Variants in NUP160 observed in about 807,000 individuals in gnomAD.
The protein encoded by NUP160 is nuclear pore complex protein Nup160.
A neutral mutation model predicts 196.9 loss-of-function variants in NUP160; 94 were observed. The observed-to-expected ratio is 0.48, with a 90% confidence interval of 0.40 to 0.57. The LOEUF is 0.57. Ranked by LOEUF, NUP160 falls within the 20% of genes least tolerant of loss-of-function variation. The probability of loss-of-function intolerance (pLI) is 0.00; values close to 1 mark genes in which losing one functional copy is unlikely to be tolerated. For missense variants in NUP160, 1,638 were observed against 1,748.3 expected, an observed-to-expected ratio of 0.94 and a Z score of 1.13; for synonymous variants, 605 against 619.7, an observed-to-expected ratio of 0.98 and a Z score of 0.35.
intron 2 of NUP160, chr11:47,841,341 T>G (rs1372269668): frequency 1.1e-5 from 4 of 354,464 alleles, no homozygotes; most frequent in Non-Finnish European, 2.2e-5. Flanking sequence ...GAATTTTCCT[T>G]GATCATATTC....
intron 18 of NUP160, 138 bp downstream of exon 18, chr11:47,808,258 G>A: frequency 1.4e-6 from 1 of 727,346 alleles, no homozygotes; most frequent in Non-Finnish European, 2.2e-6. Flanking sequence ...TCCGGCCTGG[G>A]TGAGAGAGAG....
At chr11:47,791,792 G>T (rs1265187150) in intron 29 of NUP160, 138 bp downstream of exon 29, 3 of 610,590 alleles carry the variant, frequency 4.9e-6, no homozygotes, top group Non-Finnish European at 5.6e-6. Flanking sequence ...GTTTTACAAG[G>T]GCAACTGTTA....
chr11:47,848,219 C>T, exon 1 of NUP160: 1 of 1,614,166 alleles, frequency 6.2e-7, no homozygotes. Flanking sequence ...ATTTCCGTAC[C>T]AATGCTGCAG....
At chr11:47,845,773 G>C (rs752254883) in intron 2 of NUP160, among the ~76,000 whole-genome samples, 1 of 152,032 alleles carries the variant, frequency 6.6e-6, no homozygotes, top group Non-Finnish European at 1.5e-5. Context: ...TGGCATGATC[G>C]GATCCTCCCA....
chr11:47,820,709 G>A lies in NUP160; in HGVS notation c.1277+1015C>T, dbSNP rs182654578. On this transcript the variant is annotated intron_variant, in intron 9 of 35. Transcript: ENST00000378460. ...TGGGATTACAGGCACATACCACCACGCCCGGCTAATTTTTGTATTTTTAGT... is the reference window on the plus strand; with the variant it reads ...TGGGATTACAGGCACATACCACCACACCCGGCTAATTTTTGTATTTTTAGT... Among the ~76,000 whole-genome samples, 149 of 151,978 alleles carry A rather than the reference G, an allele frequency of 9.8e-4. 1 individual carries two copies. Among genetic ancestry groups the A allele is most frequent in the African/African-American group, 3.4e-3 (140 of 41,480 alleles).
At chr11:47,786,425 T>A in intron 32 of NUP160, 28 bp downstream of exon 32, 1 of 1,422,098 alleles carries the variant, frequency 7.0e-7, no homozygotes, top group Non-Finnish European at 9.9e-7. Flanking sequence ...AAGGCAAAAC[T>A]ACCCAGGGTT....
At position 47,783,056 on chromosome 11, in the gene NUP160, C is replaced by A. The variant is rs759569635; in HGVS notation, c.4116+17G>T. 2 of 1,604,628 alleles carry A rather than the reference C, an allele frequency of 1.2e-6. No homozygotes were observed. The highest frequency in any genetic ancestry group is 2.7e-5 in the African/African-American group (2 of 74,516). On this transcript the variant is annotated intron_variant, in intron 34 of 35. Transcript: ENST00000378460. ...AGTCAAACCATTGTAAATTGGGGACCATTTGTATATGCCTACCTCAATTCC... is the reference window on the plus strand; with the variant it reads ...AGTCAAACCATTGTAAATTGGGGACAATTTGTATATGCCTACCTCAATTCC...
At position 47,793,722 on chromosome 11, in the gene NUP160, GTTTTTTTTTTTTTTTTTTTTTTT is replaced by G. The variant is rs750497969; in HGVS notation, c.3290-799_3290-777del. Among the ~76,000 whole-genome samples the G allele has an allele frequency of 3.4e-5, 3 of 87,690 alleles. No individual in the cohort carries two copies. The Admixed American group carries it at 3.5e-4, about 10-fold the overall frequency. The allele number at this position is 87,690 out of a possible 152,430, so 57.5% of individuals were successfully genotyped here. A position where few individuals can be genotyped will look rare whatever the true frequency, so the allele number is the denominator to read the frequency against. On this transcript the variant is annotated intron_variant, in intron 27 of 35. Transcript: ENST00000378460. ...TCATTTAATTATCTGTAAGATATCT[GTTTTTTTTTTTTTTTTTTTTTTT>G]TTTTTTTTTTTTGAGACGGAGTTTT... is the stretch of plus-strand genomic sequence containing the variant.
chr11:47,802,017 C>A (rs2135362947), intron 22 of NUP160, 87 bp from the exon 23 acceptor site: 6 of 1,290,034 alleles, frequency 4.7e-6, no homozygotes, highest in South Asian at 1.3e-5. Context: ...AAGGGAAAGC[C>A]AAAAAAGAAA....
At position 47,812,840 on chromosome 11, in the gene NUP160, G is replaced by C. The variant is rs372709666; in HGVS notation, c.1952+42C>G. On this transcript the variant is annotated intron_variant, in intron 15 of 35. Transcript: ENST00000378460. ...TTCCAACTTTGGCGCTAAAAATGCT[G>C]AATTTCCATTAGGAAATGCACTTTA... 279 of 1,554,550 alleles carry C rather than the reference G, an allele frequency of 1.8e-4. 4 individuals are homozygous for C. The South Asian group carries it at 2.5e-3, about 14-fold the overall frequency.
At chr11:47,803,390 C>T (rs1386403514) in intron 22 of NUP160, 48 bp downstream of exon 22, 1 of 1,149,918 alleles carries the variant, frequency 8.7e-7, no homozygotes, top group Non-Finnish European at 1.3e-6. Flanking sequence ...AAGCAACTTC[C>T]TTGCGTTAAA....
intron 34 of NUP160, among the ~76,000 whole-genome samples, chr11:47,782,297 AAAAAAAATATAT>A (rs2135338426): frequency 2.0e-5 from 1 of 49,324 alleles, no homozygotes; most frequent in South Asian, 5.7e-4. Flanking sequence ...GTTAAAAAAA[AAAAAAAATATAT>A]ATATATATAT....
At chr11:47,809,974 A>G (rs1376343654) in intron 17 of NUP160, among the ~76,000 whole-genome samples, 1 of 152,022 alleles carries the variant, frequency 6.6e-6, no homozygotes, top group Non-Finnish European at 1.5e-5. Flanking sequence ...AATTTTTTAA[A>G]TTTTTGCTTA....
chr11:47,789,621 A>C (rs2097666742), intron 29 of NUP160, among the ~76,000 whole-genome samples: 1 of 152,120 alleles, frequency 6.6e-6, no homozygotes. Flanking sequence ...GAATGCTGAA[A>C]ATAAACTAAA....
chr11:47,848,325 G>A, exon 1 of NUP160: 1 of 1,613,774 alleles, frequency 6.2e-7, no homozygotes, highest in Non-Finnish European at 8.5e-7. Flanking sequence ...CCATCTTCCC[G>A]CCGTCGCCGC....
Position 47,803,289 on chromosome 11 carries a change from A to G in NUP160, c.2775+149T>C, listed in dbSNP as rs2097675459. On this transcript the variant is annotated intron_variant, in intron 22 of 35. Coordinates refer to ENST00000378460, the Ensembl canonical transcript of NUP160. Reference sequence around the variant, plus strand: ...AGAAAGTAGTCCTTACATGTATATAATGCCTTTGACTGGCATTAGTACAGT... The same window carrying G: ...AGAAAGTAGTCCTTACATGTATATAGTGCCTTTGACTGGCATTAGTACAGT... 5.2e-6 allele frequency: 3 copies of G among 581,652 alleles called. No homozygotes were observed. In the African/African-American group the frequency reaches 5.6e-5, roughly 11 times the overall value. 36.0% of individuals were successfully genotyped at this position (581,652 alleles called of 1,614,324 possible).
chr11:47,823,544 T>TAA (rs2135386460), intron 7 of NUP160, among the ~76,000 whole-genome samples: 1 of 151,496 alleles, frequency 6.6e-6, no homozygotes, highest in East Asian at 1.9e-4. Flanking sequence ...TCCTTTTTTC[T>TAA]TTTTTTTTGA....
intron 13 of NUP160, 122 bp from the exon 14 acceptor site, chr11:47,813,537 G>T (rs1164924541): frequency 4.7e-6 from 3 of 636,248 alleles, no homozygotes; most frequent in Non-Finnish European, 8.4e-6. Flanking sequence ...AAAATAATAG[G>T]TGTAAGTCTT....
intron 29 of NUP160, among the ~76,000 whole-genome samples, chr11:47,789,859 GCTA>G (rs1035080978): frequency 1.3e-5 from 2 of 151,478 alleles, no homozygotes; most frequent in Admixed American, 6.6e-5. Context: ...CAAAAACTTA[GCTA>G]CTAATAGCCT....
Sources: gnomAD v4.1 joint callset for allele counts (sites outside exome capture counted in the v4.1 genomes callset) on GRCh38, gnomAD v4.1.1 for gene constraint, MANE v1.5 for transcripts, NCBI Gene and HGNC (gene_info 2026-07-23, HGNC 2026-07-21) for gene names.